CEP350: variants seen among roughly 807,000 people sequenced by gnomAD.
The protein encoded by CEP350 is centrosomal protein 350.
In CEP350, 126 loss-of-function variants were observed where a neutral mutation model predicts 331.8. The observed-to-expected ratio is 0.38, with a 90% CI of 0.33 to 0.44. CEP350 has a LOEUF of 0.44. CEP350 is among the 20% of genes least tolerant of loss of function. The pLI is 1.00. For missense variants in CEP350, 3,406 were observed against 3,634.6 expected (o/e 0.94, Z 1.62); for synonymous variants, 1,200 against 1,259.5 (o/e 0.95, Z 1.00).
chr1:180,009,098 C>T, intron 8 of CEP350, among the ~76,000 whole-genome samples: 1 of 152,238 alleles, frequency 6.6e-6, no homozygotes, highest in East Asian at 1.9e-4. Context: ...TAATCTCCGC[C>T]TCCTGGATTC....
At chr1:179,994,669 G>T (rs909042566) in intron 5 of CEP350, among the ~76,000 whole-genome samples, 2 of 151,850 alleles carry the variant, frequency 1.3e-5, no homozygotes, top group Non-Finnish European at 2.9e-5. Context: ...GCCCAGGCTG[G>T]TCTCATACTC....
rs1313875941 is a variant in CEP350 at position 180,093,361 on chromosome 1, T to G, written c.7256T>G (p.Met2419Arg). 1 of 1,600,596 alleles carries G rather than the reference T, an allele frequency of 6.2e-7. No individual in the cohort carries two copies. ...TCTTGCAGAGATAAGCCACAGCCAATGAGGAGCTCTACAAGTGGAGCCACT... is the reference window on the plus strand; with the variant it reads ...TCTTGCAGAGATAAGCCACAGCCAAGGAGGAGCTCTACAAGTGGAGCCACT... Reference protein sequence around the residue: ...SQSCRDKPQPMRSSTSGATSF... With the variant: ...SQSCRDKPQPRRSSTSGATSF... The change falls in exon 34 of 38, where the codon ATG becomes AGG. Residue 2419 changes from methionine (M) to arginine (R), a missense_variant. Coordinates refer to ENST00000367607, the MANE Select transcript of CEP350 (RefSeq NM_014810.5).
Position 180,020,713 on chromosome 1 carries a change from A to G in CEP350, c.2939A>G (p.Asp980Gly). 6.2e-7 allele frequency: 1 copy of G among 1,614,028 alleles called. No homozygotes were observed. The highest frequency in any genetic ancestry group is 1.3e-5 in the African/African-American group (1 of 75,062). ...KAKISLGSSI[D>G]SVSEGPLLSE... ...AAAATATCTCTTGGTTCCAGCATAG[A>G]TTCAGTCAGTGAAGGGCCTCTTCTT... is the stretch of plus-strand genomic sequence containing the variant. The change falls in exon 12 of 38, where the codon GAT (aspartate) becomes GGT (glycine). Residue 980 changes from aspartate to glycine, a missense_variant. Asp to Gly is a moderately conservative substitution (Grantham distance 94). Around this residue, in one of 5 missense-constraint regions of CEP350, gnomAD observed 1,857 missense variants for 1,909.2 expected, o/e 0.97. Transcript: ENST00000367607.
At position 180,011,944 on chromosome 1, in the gene CEP350, T is replaced by C. The variant is rs1404497204; in HGVS notation, c.1262T>C (p.Ile421Thr). 1 of 1,600,354 alleles carries C rather than the reference T, an allele frequency of 6.2e-7. No homozygotes were observed. Among genetic ancestry groups the C allele is most frequent in the Non-Finnish European group, 8.5e-7 (1 of 1,173,038 alleles). Residue 421 changes from isoleucine (I) to threonine (T), a missense_variant, in exon 9 of 38, where the codon ATA becomes ACA. By Grantham distance (89) the Ile-to-Thr change is moderately conservative (BLOSUM62 -1). Transcript: ENST00000367607. The part of the protein sequence containing the change: ...TECRTGSSHL[I>T]STSSWRDGQK... ...ATTTTTTTAGGTAGTAGTCATCTTATAAGTACATCTTCTTGGCGAGATGGA... is the reference window on the plus strand; with the variant it reads ...ATTTTTTTAGGTAGTAGTCATCTTACAAGTACATCTTCTTGGCGAGATGGA...
chr1:180,024,060 G>C (rs1655508303), intron 13 of CEP350, among the ~76,000 whole-genome samples: 1 of 151,934 alleles, frequency 6.6e-6, no homozygotes, highest in South Asian at 2.1e-4. Flanking sequence ...TTTCCAGGTA[G>C]AGGTAGAACA....
chr1:180,100,642 G>C (rs1660753210), intron 37 of CEP350, among the ~76,000 whole-genome samples: 1 of 152,186 alleles, frequency 6.6e-6, no homozygotes, highest in African/African-American at 2.4e-5. Flanking sequence ...ACACACAAGT[G>C]TGTAAGTTAT....
Position 180,034,091 on chromosome 1 carries a change from A to AT in CEP350, c.3946+11dup. The AT allele has an allele frequency of 1.2e-6, 2 of 1,604,528 alleles. No individual in the cohort carries two copies. Among genetic ancestry groups the AT allele is most frequent in the African/African-American group, 2.7e-5 (2 of 74,712 alleles). ...CATGGCTCCAATACCAGGTAAGTAGATTCATGCAATTGTAATTTTTAGAAT... is the reference window on the plus strand; with the variant it reads ...CATGGCTCCAATACCAGGTAAGTAGATTTCATGCAATTGTAATTTTTAGAAT... On this transcript the variant is annotated intron_variant, in intron 16 of 37. Coordinates refer to ENST00000367607, the MANE Select transcript of CEP350 (RefSeq NM_014810.5).
intron 1 of CEP350, among the ~76,000 whole-genome samples, chr1:179,983,390 A>G (rs934400901): frequency 2.0e-5 from 3 of 152,012 alleles, no homozygotes; most frequent in Admixed American, 1.3e-4. Flanking sequence ...GTGCGCCACC[A>G]TGCCTGGCTA....
Position 180,111,084 on chromosome 1 carries a change from T to C in CEP350, c.9277T>C (p.Phe3093Leu). 1 of 1,613,988 alleles carries C rather than the reference T, an allele frequency of 6.2e-7. No individual in the cohort carries two copies. Among genetic ancestry groups the C allele is most frequent in the Non-Finnish European group, 8.5e-7 (1 of 1,179,888 alleles). The change falls in exon 38 of 38, where the codon TTT becomes CTT. Residue 3093 changes from phenylalanine to leucine, a missense_variant. Transcript: ENST00000367607. ...GAAAATGCAGCTAGCCGACGGGATCTTTGAGACCCTGATCAAAGATACTAT... is the reference window on the plus strand; with the variant it reads ...GAAAATGCAGCTAGCCGACGGGATCCTTGAGACCCTGATCAAAGATACTAT... The part of the protein sequence containing the change: ...CVKMQLADGI[F>L]ETLIKDTIDV...
In CEP350 at chr1:180,014,163, A is replaced by G. The variant is rs1654828021; in HGVS notation, c.1710A>G (p.Lys570=). 1 of 1,608,754 alleles carries G rather than the reference A, an allele frequency of 6.2e-7. No individual in the cohort carries two copies. The highest frequency in any genetic ancestry group is 1.3e-5 in the African/African-American group (1 of 74,846). Reference sequence around the variant, plus strand: ...CTCCTAGGAGTCACAGCCCAGTAAAAAGAAAACCTGACAAAATAACAGCTA... The same window carrying G: ...CTCCTAGGAGTCACAGCCCAGTAAAGAGAAAACCTGACAAAATAACAGCTA... ...VHAPRSHSPV[K]RKPDKITANE... is the part of the protein sequence containing the mutation. Residue 570 remains lysine (K), a synonymous_variant, in exon 10 of 38, where the codon AAA becomes AAG. Coordinates refer to ENST00000367607, the MANE Select transcript of CEP350 (RefSeq NM_014810.5).
intron 1 of CEP350, among the ~76,000 whole-genome samples, chr1:179,976,350 TAAAAG>T (rs71649184): frequency 0.084 from 12,728 of 152,140 alleles, 801 homozygotes; most frequent in African/African-American, 0.18. Context: ...TCAGTGGGCT[TAAAAG>T]AAAACATTTT....
chr1:180,102,155 A>T (rs1171709698), intron 37 of CEP350, among the ~76,000 whole-genome samples: 3 of 130,862 alleles, frequency 2.3e-5, no homozygotes, highest in Non-Finnish European at 3.2e-5. Flanking sequence ...TTTTTTTTTG[A>T]GACAGAGTCT....
At position 180,092,823 on chromosome 1, in the gene CEP350, A is replaced by G. The variant is rs1269685140; in HGVS notation, c.6718A>G (p.Arg2240Gly). The G allele has an allele frequency of 8.3e-6, 13 of 1,569,862 alleles. No homozygotes were observed. The highest frequency in any genetic ancestry group is 3.3e-4 in the Middle Eastern group (2 of 6,000). Reference sequence around the variant, plus strand: ...TCTCAAAGAATTAAATGCCACTAGTAGAATTCTTGATATGTCAGATGGCAA... The same window carrying G: ...TCTCAAAGAATTAAATGCCACTAGTGGAATTCTTGATATGTCAGATGGCAA... ...HLLKELNATS[R>G]ILDMSDGKVG... The change falls in exon 34 of 38, where the codon AGA (arginine) becomes GGA (glycine). Residue 2240 changes from arginine to glycine, a missense_variant. Physicochemically the swap from Arg to Gly is moderately radical, Grantham distance 125 (BLOSUM62 -2). Transcript: ENST00000367607.
intron 13 of CEP350, 67 bp downstream of exon 13, chr1:180,022,915 G>C: frequency 1.4e-6 from 2 of 1,444,742 alleles, no homozygotes; most frequent in Non-Finnish European, 1.9e-6. Context: ...GAGAACTCTG[G>C]TCTGAATATT....
At chr1:180,017,693 G>A (rs184864575) in intron 11 of CEP350, among the ~76,000 whole-genome samples, 9,216 of 152,076 alleles carry the variant, frequency 0.061, 393 homozygotes, top group Non-Finnish European at 0.091. Flanking sequence ...CCCCATTCCC[G>A]TTAATAGTTT....
intron 6 of CEP350, among the ~76,000 whole-genome samples, chr1:180,002,018 T>C (rs1321452513): frequency 6.6e-6 from 1 of 152,226 alleles, no homozygotes; most frequent in Non-Finnish European, 1.5e-5. Context: ...TAAAAGCTGC[T>C]CAGTATCATT....
intron 1 of CEP350, among the ~76,000 whole-genome samples, chr1:179,967,841 G>T (rs748396039): frequency 6.6e-6 from 1 of 151,862 alleles, no homozygotes; most frequent in Admixed American, 6.6e-5. Context: ...ATTTTTTTAC[G>T]TGTTACCGTG....
In CEP350 at chr1:180,011,774, T is replaced by C. The variant is rs1311145942; in HGVS notation, c.1247-155T>C. Among the ~76,000 whole-genome samples the C allele has an allele frequency of 2.0e-5, 3 of 152,220 alleles. No individual in the cohort carries two copies. In the East Asian group the frequency reaches 5.8e-4, roughly 29 times the overall value. On this transcript the variant is annotated intron_variant, in intron 8 of 37. Transcript: ENST00000367607. The stretch of plus-strand genomic sequence containing the variant: ...AGATATAAACAAATGGTTAACTGAC[T>C]TGGGGAGGTTAGGGTTTAAAAATAT...
chr1:179,973,749 T>C (rs931328750), intron 1 of CEP350, among the ~76,000 whole-genome samples: 1 of 152,248 alleles, frequency 6.6e-6, no homozygotes, highest in Admixed American at 6.5e-5. Context: ...TTTTACTATG[T>C]ATTCTTACAG....
Sources: gnomAD v4.1 joint callset for allele counts (sites outside exome capture counted in the v4.1 genomes callset) on GRCh38, gnomAD v4.1.1 for gene constraint, gnomAD v4.1.1 regional missense constraint, MANE v1.5 for transcripts, NCBI Gene and HGNC (gene_info 2026-07-23, HGNC 2026-07-21) for gene names.